Variants in DDX1 observed in about 807,000 individuals in gnomAD.
The protein encoded by DDX1 is ATP-dependent RNA helicase DDX1.
DDX1 carries 28 observed loss-of-function variants against 108.7 expected under a neutral mutation model. The observed-to-expected ratio is 0.26, with a 90% CI of 0.19 to 0.35. The LOEUF is 0.35. Among genes scored for constraint, DDX1 ranks in the 10% least tolerant of loss-of-function variants. The pLI is 1.00. For synonymous variants in DDX1, 295 were observed against 288.9 expected (o/e 1.02, Z -0.21); for missense variants, 710 against 884.5 (o/e 0.80, Z 2.50).
intron 5 of DDX1, among the ~76,000 whole-genome samples, chr2:15,599,455 C>T (rs538283622): frequency 7.9e-5 from 12 of 151,740 alleles, no homozygotes; most frequent in African/African-American, 2.9e-4. Flanking sequence ...TACAGTCACA[C>T]GCCACCATGC....
intron 13 of DDX1, among the ~76,000 whole-genome samples, chr2:15,610,202 A>G (rs756564683): frequency 2.0e-5 from 3 of 152,156 alleles, no homozygotes; most frequent in Non-Finnish European, 4.4e-5. Flanking sequence ...AAAGTGCTGG[A>G]TTATAGGTGT....
intron 5 of DDX1, among the ~76,000 whole-genome samples, chr2:15,599,348 C>A (rs1388984155): frequency 6.6e-6 from 1 of 151,380 alleles, no homozygotes; most frequent in Non-Finnish European, 1.5e-5. Flanking sequence ...GCTCTGTCGC[C>A]CAGGCTGGAG....
intron 12 of DDX1, among the ~76,000 whole-genome samples, chr2:15,606,577 A>G (rs750443956): frequency 4.6e-5 from 7 of 152,254 alleles, no homozygotes; most frequent in Non-Finnish European, 8.8e-5. Context: ...CAACAACCCT[A>G]TAAGGTAGTA....
intron 14 of DDX1, among the ~76,000 whole-genome samples, chr2:15,614,652 T>C (rs1272816803): frequency 6.6e-6 from 1 of 152,246 alleles, no homozygotes; most frequent in Non-Finnish European, 1.5e-5. Flanking sequence ...GTTGCTCCTT[T>C]CTGCCATGAG....
chr2:15,613,435 C>T (rs1665835704), intron 14 of DDX1, 151 bp downstream of exon 14: 3 of 496,396 alleles, frequency 6.0e-6, no homozygotes, highest in Middle Eastern at 5.6e-4. Context: ...GCAAGTGCGC[C>T]TTTTCTTCTC....
intron 25 of DDX1, among the ~76,000 whole-genome samples, chr2:15,630,409 T>G (rs2148751276): frequency 6.6e-6 from 1 of 152,322 alleles, no homozygotes; most frequent in Middle Eastern, 3.4e-3. Context: ...TAATAGGTGA[T>G]TTTGAACAAG....
chr2:15,601,120 C>T (rs575993759), intron 6 of DDX1, among the ~76,000 whole-genome samples: 1 of 152,092 alleles, frequency 6.6e-6, no homozygotes, highest in Non-Finnish European at 1.5e-5. Flanking sequence ...AATAAATAAA[C>T]TCCATTTTCC....
intron 6 of DDX1, among the ~76,000 whole-genome samples, chr2:15,602,039 T>A (rs2148738658): frequency 6.6e-6 from 1 of 152,334 alleles, no homozygotes; most frequent in Middle Eastern, 3.4e-3. Context: ...GTTTCTTCCA[T>A]GGATTGAGGA....
chr2:15,629,754 T>C, intron 24 of DDX1, 57 bp downstream of exon 24: 1 of 1,332,672 alleles, frequency 7.5e-7, no homozygotes, highest in South Asian at 1.4e-5. Flanking sequence ...ATAGAAAGCA[T>C]TTATCTTCAA....
intron 6 of DDX1, 107 bp downstream of exon 6, chr2:15,599,823 A>G (rs1266067067): frequency 3.8e-6 from 3 of 791,782 alleles, no homozygotes; most frequent in African/African-American, 3.6e-5. Flanking sequence ...ACCAGATATT[A>G]GAATTTAGTC....
intron 5 of DDX1, among the ~76,000 whole-genome samples, chr2:15,598,775 G>A (rs1346147978): frequency 3.3e-5 from 5 of 152,140 alleles, no homozygotes; most frequent in African/African-American, 9.7e-5. Flanking sequence ...TAGAAAGCAC[G>A]TAGAGCTCTC....
Position 15,620,325 on chromosome 2 carries a change from C to A in DDX1, c.1324C>A (p.His442Asn), listed in dbSNP as rs1665980838. 6.2e-7 allele frequency: 1 copy of A among 1,613,948 alleles called. No individual in the cohort carries two copies. Among genetic ancestry groups the A allele is most frequent in the Non-Finnish European group, 8.5e-7 (1 of 1,179,886 alleles). The change falls in exon 17 of 26, where the codon CAC becomes AAC. Residue 442 changes from histidine (H) to asparagine (N), a missense_variant. By Grantham distance (68) the His-to-Asn change is moderately conservative. This residue lies in a region of DDX1 where 661 missense variants were observed against 810.2 expected (regional missense o/e 0.82). Coordinates refer to ENST00000233084, the MANE Select transcript of DDX1 (RefSeq NM_004939.3). The part of the protein sequence containing the change: ...KGEDSVPDTV[H>N]HVVVPVNPKT... Reference sequence around the variant, plus strand: ...AGAAGACTCTGTTCCAGATACTGTACACCATGTTGTTGTCCCAGTAAATCC... The same window carrying A: ...AGAAGACTCTGTTCCAGATACTGTAAACCATGTTGTTGTCCCAGTAAATCC...
intron 19 of DDX1, among the ~76,000 whole-genome samples, chr2:15,626,630 G>A (rs546821210): frequency 3.2e-4 from 49 of 152,260 alleles, no homozygotes; most frequent in African/African-American, 1.1e-3. Flanking sequence ...ACCTTGAGAA[G>A]AGAGCAGGCT....
chr2:15,611,800 C>T (rs1478481695), intron 13 of DDX1, among the ~76,000 whole-genome samples: 90 of 103,672 alleles, frequency 8.7e-4, no homozygotes, highest in East Asian at 2.8e-3. Flanking sequence ...GACCCCCCCA[C>T]CTCCCTCCCG....
Position 15,597,357 on chromosome 2 carries a change from CTT to C in DDX1, c.163-15_163-14del. On this transcript the variant is annotated splice_polypyrimidine_tract_variant and intron_variant, in intron 4 of 25. Transcript: ENST00000233084. ...AATATGTGAATACTAATATAGATAC[CTT>C]TTGTTTCTTTGATAGGCTTTTAGTA... 6.7e-7 allele frequency: 1 copy of C among 1,497,866 alleles called. No individual in the cohort carries two copies. Among genetic ancestry groups the C allele is most frequent in the South Asian group, 1.2e-5 (1 of 83,116 alleles). 92.8% of individuals were successfully genotyped at this position (1,497,866 alleles called of 1,614,324 possible). A position where few individuals can be genotyped will look rare whatever the true frequency, so the allele number is the denominator to read the frequency against.
chr2:15,594,774 C>T (rs1178638748), intron 1 of DDX1, among the ~76,000 whole-genome samples: 3 of 152,186 alleles, frequency 2.0e-5, no homozygotes, highest in East Asian at 1.9e-4. Context: ...AGACTTTTCA[C>T]GAGTCATGAG....
At chr2:15,603,964 G>T in intron 9 of DDX1, 74 bp downstream of exon 9, 2 of 948,008 alleles carry the variant, frequency 2.1e-6, no homozygotes, top group Non-Finnish European at 1.6e-6. Context: ...ATGACAGAAT[G>T]AGGGTATACA....
rs147728753 is a variant in DDX1 at position 15,620,305 on chromosome 2, A to T, written c.1304A>T (p.Asp435Val). 1.4e-5 allele frequency: 22 copies of T among 1,613,784 alleles called. No individual in the cohort carries two copies. In the Admixed American group the frequency reaches 1.7e-4, roughly 12 times the overall value. The change falls in exon 17 of 26, where the codon GAC (aspartate) becomes GTC (valine). Residue 435 changes from aspartate (D) to valine (V), a missense_variant. Transcript: ENST00000233084. ...ACATGGGTTGACTTAAAAGGAGAAG[A>T]CTCTGTTCCAGATACTGTACACCAT... Reference protein sequence around the residue: ...FPTWVDLKGEDSVPDTVHHVV... With the variant: ...FPTWVDLKGEVSVPDTVHHVV...
Position 15,604,470 on chromosome 2 carries a change from C to A in DDX1, c.586C>A (p.Leu196Met). Residue 196 changes from leucine to methionine, a missense_variant, in exon 10 of 26, where the codon CTG becomes ATG. Leu to Met is a conservative substitution (Grantham distance 15, BLOSUM62 2). This residue lies in a region of DDX1 where 661 missense variants were observed against 810.2 expected (regional missense o/e 0.82). Coordinates refer to ENST00000233084, the MANE Select transcript of DDX1 (RefSeq NM_004939.3). ...TATGCATGATACCATTGGATGTTAC[C>A]TGGATATAGATAAGGGACATGTCAA... The part of the protein sequence containing the change: ...FTMHDTIGCY[L>M]DIDKGHVKFS... 1 of 1,611,050 alleles carries A rather than the reference C, an allele frequency of 6.2e-7. No individual in the cohort carries two copies. The highest frequency in any genetic ancestry group is 8.5e-7 in the Non-Finnish European group (1 of 1,177,528).
Sources: allele counts gnomAD v4.1 joint callset (sites outside exome capture counted in the v4.1 genomes callset), GRCh38; gene constraint gnomAD v4.1.1; regional missense constraint gnomAD v4.1.1; transcripts MANE v1.5; gene names NCBI Gene and HGNC (gene_info 2026-07-23, HGNC 2026-07-21).